Variants in SLC47A2 observed in about 807,000 individuals in gnomAD.
The protein encoded by SLC47A2 is solute carrier family 47 member 2, also known as multidrug and toxin extrusion protein 2.
Under a neutral mutation model 67.7 loss-of-function variants are expected in SLC47A2, and 52 were observed. The ratio of observed to expected loss-of-function variants is 0.77; its 90% CI spans 0.61 to 0.97. The LOEUF is 0.97. Ranked by LOEUF, SLC47A2 falls within the 50% of genes least tolerant of loss-of-function variation. SLC47A2 has a pLI of 0.00. For missense variants in SLC47A2, 676 were observed against 712.3 expected (o/e 0.95, Z 0.58); for synonymous variants, 278 against 292.9 (o/e 0.95, Z 0.52).
At chr17:19,692,831 G>A (rs994890077) in intron 13 of SLC47A2, among the ~76,000 whole-genome samples, 3 of 152,150 alleles carry the variant, frequency 2.0e-5, no homozygotes, top group African/African-American at 7.2e-5. Flanking sequence ...TATACACCAT[G>A]ATCAAGAGAG....
At chr17:19,699,593 G>T (rs967731253) in intron 13 of SLC47A2, among the ~76,000 whole-genome samples, 1 of 151,710 alleles carries the variant, frequency 6.6e-6, no homozygotes, top group African/African-American at 2.4e-5. Flanking sequence ...TGTAGAGATA[G>T]GGTCTCCCTA....
intron 13 of SLC47A2, among the ~76,000 whole-genome samples, chr17:19,692,115 C>A (rs933020476): frequency 6.6e-6 from 1 of 151,814 alleles, no homozygotes; most frequent in African/African-American, 2.4e-5. Flanking sequence ...GTAGTCCCAG[C>A]TACTCAGGAG....
intron 1 of SLC47A2, chr17:19,716,207 G>T: frequency 1.6e-6 from 1 of 614,650 alleles, no homozygotes. Context: ...CTTCTGTGTG[G>T]GGGCTGCCTG....
rs752760243 is a variant in SLC47A2 at position 19,703,154 on chromosome 17, C to G, written c.1032G>C (p.Leu344=). ...GGATGCTTATCAGGGTGCCCAGGAC[C>G]AGGGAAATGCCAACTGGAAGAGACA... ...SGVLSIVGIS[L]VLGTLISILK... The change falls in exon 12 of 17, where the codon CTG becomes CTC. Residue 344 remains leucine, a synonymous_variant. Transcript: ENST00000433844. 1.1e-5 allele frequency: 18 copies of G among 1,614,002 alleles called. No homozygotes were observed. In the Admixed American group the frequency reaches 1.8e-4, roughly 16 times the overall value.
chr17:19,689,677 A>T (rs2085499017), intron 13 of SLC47A2, among the ~76,000 whole-genome samples: 1 of 151,518 alleles, frequency 6.6e-6, no homozygotes, highest in Non-Finnish European at 1.5e-5. Context: ...AGCCTAAGTG[A>T]CAGAGTGAGA....
Position 19,703,178 on chromosome 17 carries a change from C to G in SLC47A2, c.1019-11G>C. ...CCAGGGAAATGCCAACTGGAAGAGA[C>G]AAAAGGTGCAGCAATGACAGACCCC... On this transcript the variant is annotated splice_polypyrimidine_tract_variant and intron_variant, in intron 11 of 16. Transcript: ENST00000433844. 6.2e-7 allele frequency: 1 copy of G among 1,613,794 alleles called. No homozygotes were observed. Among genetic ancestry groups the G allele is most frequent in the South Asian group, 1.1e-5 (1 of 91,080 alleles).
chr17:19,679,127 G>A (rs1265044372), intron 16 of SLC47A2, among the ~76,000 whole-genome samples: 1 of 152,242 alleles, frequency 6.6e-6, no homozygotes, highest in Non-Finnish European at 1.5e-5. Flanking sequence ...TTCACGTGCA[G>A]ATAATGCTTA....
chr17:19,680,007 C>G lies in SLC47A2; in HGVS notation c.1425G>C (p.Gln475His), dbSNP rs1346690306. ...GTCTGGTTGCAGTGCTCTCTGCTCT[C>G]TGCTGCTGCTGCCGGCCTGAATGTT... is the stretch of plus-strand genomic sequence containing the variant. Reference protein sequence around the residue: ...AKKHSGRQQQQRAESTATRPG... With the variant: ...AKKHSGRQQQHRAESTATRPG... The change falls in exon 16 of 17, where the codon CAG (glutamine) becomes CAC (histidine). Residue 475 changes from glutamine to histidine, a missense_variant. By Grantham distance (24) the Gln-to-His change is conservative (BLOSUM62 0). Transcript: ENST00000433844. The G allele has an allele frequency of 6.2e-7, 1 of 1,612,376 alleles. No individual in the cohort carries two copies. Among genetic ancestry groups the G allele is most frequent in the Non-Finnish European group, 8.5e-7 (1 of 1,179,226 alleles).
intron 16 of SLC47A2, 132 bp downstream of exon 16, chr17:19,679,820 C>T (rs2085274368): frequency 3.4e-6 from 3 of 876,598 alleles, no homozygotes; most frequent in African/African-American, 1.7e-5. Context: ...ACATCATTTT[C>T]ATAATAATGG....
intron 5 of SLC47A2, among the ~76,000 whole-genome samples, chr17:19,709,869 C>T (rs994611116): frequency 1.3e-5 from 2 of 152,176 alleles, no homozygotes; most frequent in Non-Finnish European, 2.9e-5. Context: ...AAGATGCCAT[C>T]ACCTCGGTCT....
intron 9 of SLC47A2, 116 bp downstream of exon 9, chr17:19,706,529 TGAG>T: frequency 1.3e-6 from 1 of 766,130 alleles, no homozygotes; most frequent in Non-Finnish European, 2.0e-6. Flanking sequence ...AGGGGGCTGG[TGAG>T]CTGCCATCCT....
At position 19,685,282 on chromosome 17, in the gene SLC47A2, G is replaced by C. The variant is rs2085402375; in HGVS notation, c.1165-3612C>G. ...GCCCGCCACCCCATCTAGGAAGTGA[G>C]CAGCGTCTCTGCTTGGCTGCCCATC... is the stretch of plus-strand genomic sequence containing the variant. On this transcript the variant is annotated intron_variant, in intron 13 of 16. Transcript: ENST00000433844. The surrounding 1 kb of genome is among the most constrained non-coding windows in gnomAD (Gnocchi z 4.5). 6.6e-6 allele frequency among the ~76,000 whole-genome samples: 1 copy of C among 152,090 alleles called. No individual in the cohort carries two copies. The highest frequency in any genetic ancestry group is 1.9e-4 in the East Asian group (1 of 5,172).
At position 19,678,506 on chromosome 17, in the gene SLC47A2, T is replaced by G; in HGVS notation, c.*180A>C. 4.8e-6 allele frequency: 3 copies of G among 629,172 alleles called. No homozygotes were observed. The highest frequency in any genetic ancestry group is 8.3e-6 in the Non-Finnish European group (3 of 360,240). The allele number at this position is 629,172 out of a possible 1,614,324, so 39.0% of individuals were successfully genotyped here. ...CTCCAGCTTGACCAGAACAGAATTGTCAAGTCTGTTCAGACCCCTCTGAGT... is the reference window on the plus strand; with the variant it reads ...CTCCAGCTTGACCAGAACAGAATTGGCAAGTCTGTTCAGACCCCTCTGAGT... On this transcript the variant is annotated 3_prime_UTR_variant, in exon 17 of 17. Coordinates refer to ENST00000433844, the MANE Select transcript of SLC47A2 (RefSeq NM_001099646.3).
intron 13 of SLC47A2, among the ~76,000 whole-genome samples, chr17:19,691,115 C>G (rs2085530483): frequency 6.7e-6 from 1 of 149,774 alleles, no homozygotes; most frequent in Admixed American, 6.6e-5. Flanking sequence ...AAGAGCGAAA[C>G]TCCGTCTAAA....
intron 13 of SLC47A2, among the ~76,000 whole-genome samples, chr17:19,700,662 G>A (rs2085761364): frequency 6.6e-6 from 1 of 151,958 alleles, no homozygotes; most frequent in African/African-American, 2.4e-5. Context: ...CTACTCAGGA[G>A]GCTGAGGTAG....
At chr17:19,716,625 C>G, upstream of SLC47A2, 1 of 1,487,358 alleles carries the variant, frequency 6.7e-7, no homozygotes. Context: ...AGCGAGCCAC[C>G]CCCTGCCTGG....
At chr17:19,686,289 C>A (rs541277053) in intron 13 of SLC47A2, among the ~76,000 whole-genome samples, 5 of 152,146 alleles carry the variant, frequency 3.3e-5, no homozygotes, top group Admixed American at 2.0e-4. Flanking sequence ...TTGCAAGCCT[C>A]ATGGTAGCCT....
rs1193918717 is a variant in SLC47A2, at chr17:19,712,729, C to T, written c.460G>A (p.Val154Ile). 1.2e-6 allele frequency: 2 copies of T among 1,613,294 alleles called. No homozygotes were observed. The highest frequency in any genetic ancestry group is 1.7e-6 in the Non-Finnish European group (2 of 1,179,786). The change falls in exon 5 of 17, where the codon GTA (valine) becomes ATA (isoleucine). Residue 154 changes from valine to isoleucine, a missense_variant. Physicochemically the swap from Val to Ile is conservative, Grantham distance 29. Transcript: ENST00000433844. The stretch of plus-strand genomic sequence containing the variant: ...GGAAGTCCTGGAATGAAAATCATTA[C>T]ATAGTCCTGGGTCAACCTGCAAGAG... ...PDVSRLTQDY[V>I]MIFIPGLPVI...
At position 19,685,673 on chromosome 17, in the gene SLC47A2, C is replaced by A. The variant is rs1271808479; in HGVS notation, c.1165-4003G>T. 6.6e-6 allele frequency among the ~76,000 whole-genome samples: 1 copy of A among 152,212 alleles called. No individual in the cohort carries two copies. The highest frequency in any genetic ancestry group is 1.5e-5 in the Non-Finnish European group (1 of 68,030). On this transcript the variant is annotated intron_variant, in intron 13 of 16. Coordinates refer to ENST00000433844, the MANE Select transcript of SLC47A2 (RefSeq NM_001099646.3). The surrounding 1 kb of genome is among the most constrained non-coding windows in gnomAD (Gnocchi z 4.5). The stretch of plus-strand genomic sequence containing the variant: ...GGGACACAAACAGGGCCGAAGGCCG[C>A]AGGGACCTCTGCCTAGGAAAACCAG...
Sources: allele counts gnomAD v4.1 joint callset (sites outside exome capture counted in the v4.1 genomes callset), GRCh38; gene constraint gnomAD v4.1.1; non-coding constraint Gnocchi (gnomAD v3.1); transcripts MANE v1.5; gene names NCBI Gene and HGNC (gene_info 2026-07-23, HGNC 2026-07-21).